HIPK2: variants seen among roughly 807,000 people sequenced by gnomAD.
The protein encoded by HIPK2 is homeodomain interacting protein kinase 2.
A neutral mutation model predicts 113.7 loss-of-function variants in HIPK2; 27 were observed. The ratio of observed to expected loss-of-function variants is 0.24; its 90% CI spans 0.17 to 0.33. HIPK2 has a LOEUF of 0.33. HIPK2 is among the 10% of genes least tolerant of loss of function. HIPK2 has a pLI of 1.00. For missense variants in HIPK2, 1,257 were observed against 1,588.0 expected (o/e 0.79, Z 3.54); for synonymous variants, 631 against 642.2 (o/e 0.98, Z 0.26).
Position 139,572,910 on chromosome 7 carries a change from T to TCCCC in HIPK2, c.*16_*17insGGGG. ...GCCATTCTCTCCCTCCCTCCCTCCCTCCCTCCCCTCCAGTGTTTATATGTA... is the reference window on the plus strand; with the variant it reads ...GCCATTCTCTCCCTCCCTCCCTCCCTCCCCCCCTCCCCTCCAGTGTTTATATGTA... On this transcript the variant is annotated 3_prime_UTR_variant, in exon 15 of 15. Coordinates refer to ENST00000406875, the MANE Select transcript of HIPK2 (RefSeq NM_022740.5). The TCCCC allele has an allele frequency of 1.4e-5, 3 of 217,222 alleles. No individual in the cohort carries two copies. Among genetic ancestry groups the TCCCC allele is most frequent in the Non-Finnish European group, 2.7e-5 (3 of 112,460 alleles). 13.5% of individuals were successfully genotyped at this position (217,222 alleles called of 1,614,324 possible).
chr7:139,722,038 TG>T, intron 1 of HIPK2: 1 of 474,250 alleles, frequency 2.1e-6, no homozygotes, highest in Non-Finnish European at 4.2e-6. Flanking sequence ...ATAAACAGGC[TG>T]AAGTCATAAA....
At chr7:139,750,550 G>A (rs917823962) in intron 1 of HIPK2, among the ~76,000 whole-genome samples, 3 of 152,238 alleles carry the variant, frequency 2.0e-5, no homozygotes, top group Admixed American at 6.5e-5. Flanking sequence ...TGATAGGCAC[G>A]TAGACTGGCA....
intron 2 of HIPK2, among the ~76,000 whole-genome samples, chr7:139,672,427 C>T (rs563617352): frequency 1.3e-5 from 2 of 152,164 alleles, no homozygotes; most frequent in African/African-American, 4.8e-5. Context: ...CAGTTTAAGT[C>T]TTGACTTAGA....
chr7:139,671,582 C>T (rs900393503), intron 2 of HIPK2, among the ~76,000 whole-genome samples: 3 of 151,958 alleles, frequency 2.0e-5, no homozygotes, highest in Admixed American at 2.0e-4. Context: ...CAGAGTCTCT[C>T]GCTGTGCCAC....
intron 10 of HIPK2, among the ~76,000 whole-genome samples, chr7:139,602,158 G>C (rs1326789137): frequency 6.6e-6 from 1 of 152,070 alleles, no homozygotes; most frequent in South Asian, 2.1e-4. Flanking sequence ...TCGCCATGCT[G>C]ACCAGGCTGG....
At chr7:139,769,612 C>T (rs1234690004) in intron 1 of HIPK2, among the ~76,000 whole-genome samples, 20 of 152,216 alleles carry the variant, frequency 1.3e-4, no homozygotes, top group Admixed American at 1.3e-3. Context: ...CCTTGTTAAG[C>T]CAACACCAGA....
chr7:139,611,731 A>C (rs1799835009), intron 9 of HIPK2, among the ~76,000 whole-genome samples: 1 of 151,334 alleles, frequency 6.6e-6, no homozygotes, highest in South Asian at 2.1e-4. Context: ...TTTTGTAGAG[A>C]TGGGGTCTCA....
At chr7:139,777,461 G>A (rs1265203523) in intron 1 of HIPK2, 144 bp downstream of exon 1, 1 of 189,858 alleles carries the variant, frequency 5.3e-6, no homozygotes, top group Non-Finnish European at 1.0e-5. Context: ...TCCGGGCGAG[G>A]GAGGGGGTCG....
chr7:139,611,801 C>T (rs1440822019), intron 9 of HIPK2, among the ~76,000 whole-genome samples: 2 of 152,154 alleles, frequency 1.3e-5, no homozygotes, highest in Non-Finnish European at 2.9e-5. Context: ...ATCTCAGCCT[C>T]CTGAGTAGCT....
At chr7:139,650,568 C>T (rs1801424207) in intron 2 of HIPK2, among the ~76,000 whole-genome samples, 1 of 151,784 alleles carries the variant, frequency 6.6e-6, no homozygotes, top group South Asian at 2.1e-4. Context: ...TTAAGATGGC[C>T]CCTGAGGACC....
intron 2 of HIPK2, among the ~76,000 whole-genome samples, chr7:139,691,898 T>C (rs941405446): frequency 1.3e-5 from 2 of 152,176 alleles, no homozygotes; most frequent in East Asian, 1.9e-4. Context: ...CCGTGGCCTA[T>C]GAAAAAAATC....
chr7:139,609,918 T>C (rs534943047), intron 9 of HIPK2, among the ~76,000 whole-genome samples: 2 of 152,368 alleles, frequency 1.3e-5, no homozygotes, highest in South Asian at 4.1e-4. Flanking sequence ...TACGTGTGCA[T>C]CAACTTATTT....
intron 2 of HIPK2, among the ~76,000 whole-genome samples, chr7:139,644,134 G>A (rs575253618): frequency 1.3e-5 from 2 of 152,248 alleles, no homozygotes; most frequent in South Asian, 4.2e-4. Flanking sequence ...CTTTTCATAT[G>A]TATACTGCTC....
At chr7:139,770,719 G>A (rs1021309424) in intron 1 of HIPK2, among the ~76,000 whole-genome samples, 3 of 152,140 alleles carry the variant, frequency 2.0e-5, no homozygotes, top group African/African-American at 7.2e-5. Flanking sequence ...TTATAGAGTC[G>A]ACAGCATTAA....
rs192177203 is a variant in HIPK2 at position 139,714,223 on chromosome 7, G to A, written c.1103+1709C>T. Among the ~76,000 whole-genome samples the A allele has an allele frequency of 1.2e-4, 19 of 152,336 alleles. No individual in the cohort carries two copies. In the East Asian group the frequency reaches 1.7e-3, roughly 14 times the overall value. On this transcript the variant is annotated intron_variant, in intron 2 of 14. Transcript: ENST00000406875. This position sits in a 1 kb window ranked among gnomAD's most constrained non-coding sequence, Gnocchi z 4.2. ...TCAGGGCAGGGCAGAGAAGAGGCTC[G>A]CAGAGAGCTGTTCTAACTCAGGAAA...
intron 9 of HIPK2, among the ~76,000 whole-genome samples, chr7:139,609,908 T>C (rs951778948): frequency 5.9e-5 from 9 of 152,274 alleles, no homozygotes; most frequent in Non-Finnish European, 1.0e-4. Context: ...TGTTCCATTT[T>C]ACGTGTGCAT....
chr7:139,651,940 G>C (rs535936691), intron 2 of HIPK2, among the ~76,000 whole-genome samples: 1 of 152,282 alleles, frequency 6.6e-6, no homozygotes, highest in East Asian at 1.9e-4. Context: ...TGCTGATCTG[G>C]CTTTCTACTC....
At chr7:139,594,705 TCA>T (rs1204748645) in intron 12 of HIPK2, among the ~76,000 whole-genome samples, 1 of 152,214 alleles carries the variant, frequency 6.6e-6, no homozygotes, top group African/African-American at 2.4e-5. Context: ...CTCCCTAGCC[TCA>T]GTCTGCAGCT....
chr7:139,584,746 C>G (rs908604975), intron 12 of HIPK2, among the ~76,000 whole-genome samples: 1 of 152,216 alleles, frequency 6.6e-6, no homozygotes, highest in Non-Finnish European at 1.5e-5. Context: ...TTTTCAGGAG[C>G]CAGGCTCACC....
Sources: allele counts gnomAD v4.1 joint callset (sites outside exome capture counted in the v4.1 genomes callset), GRCh38; gene constraint gnomAD v4.1.1; non-coding constraint Gnocchi (gnomAD v3.1); transcripts MANE v1.5; gene names NCBI Gene and HGNC (gene_info 2026-07-23, HGNC 2026-07-21).